ACBD6: variants seen among roughly 807,000 people sequenced by gnomAD.
The protein encoded by ACBD6 is acyl-CoA binding domain containing 6.
In ACBD6, 28 loss-of-function variants were observed where a neutral mutation model predicts 37.2. The ratio of observed to expected loss-of-function variants is 0.75; its 90% CI spans 0.56 to 1.03. The LOEUF (loss-of-function observed/expected upper bound fraction) is 1.03. ACBD6 is among the 50% of genes least tolerant of loss of function. ACBD6 has a pLI of 0.00. For synonymous variants in ACBD6, 113 were observed against 126.8 expected (o/e 0.89, Z 0.73); for missense variants, 340 against 337.4 (o/e 1.01, Z -0.06).
intron 3 of ACBD6, chr1:180,435,882 ATG>A (rs1649017103): frequency 7.2e-7 from 1 of 1,389,504 alleles, no homozygotes. Context: ...GCTCTTCTGG[ATG>A]GCAAGAACGT....
intron 3 of ACBD6, among the ~76,000 whole-genome samples, chr1:180,461,971 C>T (rs1308723673): frequency 6.6e-6 from 1 of 152,162 alleles, no homozygotes; most frequent in African/African-American, 2.4e-5. Context: ...CATGGTGGCT[C>T]ACACTTGTAA....
intron 3 of ACBD6, among the ~76,000 whole-genome samples, chr1:180,466,030 A>G (rs991735101): frequency 6.6e-6 from 1 of 152,072 alleles, no homozygotes; most frequent in African/African-American, 2.4e-5. Flanking sequence ...AGCAGAAAAG[A>G]TAATTATTGG....
At chr1:180,484,869 GC>G (rs1231860811) in intron 3 of ACBD6, among the ~76,000 whole-genome samples, 1 of 151,968 alleles carries the variant, frequency 6.6e-6, no homozygotes, top group Non-Finnish European at 1.5e-5. Context: ...TTCAAGACCA[GC>G]CTGGCCAACA....
At chr1:180,501,500 T>C (rs1045332671) in intron 1 of ACBD6, among the ~76,000 whole-genome samples, 3 of 152,158 alleles carry the variant, frequency 2.0e-5, no homozygotes, top group Admixed American at 1.3e-4. Flanking sequence ...GCTAACTTAG[T>C]AGAGACGGGG....
intron 3 of ACBD6, chr1:180,435,438 A>G: frequency 5.0e-6 from 2 of 399,460 alleles, no homozygotes; most frequent in Non-Finnish European, 4.5e-6. Flanking sequence ...TTTTTTTAGT[A>G]GAGACGGGGT....
chr1:180,479,032 C>T (rs2102067913), intron 3 of ACBD6, among the ~76,000 whole-genome samples: 2 of 152,224 alleles, frequency 1.3e-5, no homozygotes, highest in Non-Finnish European at 2.9e-5. Flanking sequence ...ACTCAGGACG[C>T]CAAGGTGGGA....
At chr1:180,304,990 C>G (rs1348650356) in intron 7 of ACBD6, among the ~76,000 whole-genome samples, 1 of 152,088 alleles carries the variant, frequency 6.6e-6, no homozygotes, top group Non-Finnish European at 1.5e-5. Context: ...CTGACAAAAA[C>G]AAGAAATGGG....
At chr1:180,381,864 T>C (rs1571432817) in intron 6 of ACBD6, among the ~76,000 whole-genome samples, 1 of 151,710 alleles carries the variant, frequency 6.6e-6, no homozygotes, top group African/African-American at 2.4e-5. Flanking sequence ...TCCCAGCACT[T>C]TGGGAGGCCG....
At chr1:180,389,345 GGCTGCATAGTATT>G (rs1352728585) in intron 6 of ACBD6, among the ~76,000 whole-genome samples, 2 of 152,120 alleles carry the variant, frequency 1.3e-5, no homozygotes, top group Non-Finnish European at 2.9e-5. Flanking sequence ...CATTTTTTAT[GGCTGCATAGTATT>G]CCAGGGTGTA....
chr1:180,502,228 G>A lies in ACBD6; in HGVS notation c.39C>T (p.Gly13=), dbSNP rs147227661. The change falls in exon 1 of 8, where the codon GGC becomes GGT. Residue 13 remains glycine, a synonymous_variant. Transcript: ENST00000367595. ...CTGAGCTCAGCTCTCCACCGCTGTCGCCGGTGATGGCCCCCGCGGGCAGGA... is the reference window on the plus strand; with the variant it reads ...CTGAGCTCAGCTCTCCACCGCTGTCACCGGTGATGGCCCCCGCGGGCAGGA... ...SSFLPAGAIT[G]DSGGELSSGD... 7 of 1,613,602 alleles carry A rather than the reference G, an allele frequency of 4.3e-6. No homozygotes were observed. The highest frequency in any genetic ancestry group is 5.9e-6 in the Non-Finnish European group (7 of 1,180,048).
At chr1:180,447,770 G>A (rs1380563691) in intron 3 of ACBD6, among the ~76,000 whole-genome samples, 1 of 151,846 alleles carries the variant, frequency 6.6e-6, no homozygotes, top group Non-Finnish European at 1.5e-5. Flanking sequence ...AACATCAAAA[G>A]ATTCAAATAT....
chr1:180,341,690 A>G (rs751820041), intron 6 of ACBD6, among the ~76,000 whole-genome samples: 2 of 152,092 alleles, frequency 1.3e-5, no homozygotes, highest in Non-Finnish European at 2.9e-5. Context: ...CACTTCCACT[A>G]TTCTTCCTGT....
intron 6 of ACBD6, among the ~76,000 whole-genome samples, chr1:180,362,901 T>C (rs1166438459): frequency 2.0e-5 from 3 of 152,240 alleles, no homozygotes; most frequent in Non-Finnish European, 4.4e-5. Flanking sequence ...ACTGTTGGCA[T>C]AGAACCTATG....
intron 3 of ACBD6, among the ~76,000 whole-genome samples, chr1:180,442,209 G>A (rs1649307557): frequency 6.6e-6 from 1 of 151,780 alleles, no homozygotes; most frequent in South Asian, 2.1e-4. Flanking sequence ...TGTATTGTAT[G>A]GTTTCATTAC....
intron 6 of ACBD6, among the ~76,000 whole-genome samples, chr1:180,337,741 A>G (rs1363299843): frequency 2.6e-5 from 4 of 152,330 alleles, no homozygotes; most frequent in South Asian, 2.1e-4. Flanking sequence ...ACATGATTGT[A>G]TATCTAGAAA....
chr1:180,453,799 T>A (rs1195458037), intron 3 of ACBD6, among the ~76,000 whole-genome samples: 1 of 152,050 alleles, frequency 6.6e-6, no homozygotes, highest in African/African-American at 2.4e-5. Context: ...CATTCAAAAC[T>A]GCTACAAAGA....
chr1:180,394,063 C>A (rs1654169599), intron 6 of ACBD6, among the ~76,000 whole-genome samples: 1 of 152,170 alleles, frequency 6.6e-6, no homozygotes, highest in Non-Finnish European at 1.5e-5. Context: ...ATATACAATA[C>A]CTCCAAACAA....
chr1:180,456,776 T>C (rs1265868583), intron 3 of ACBD6, among the ~76,000 whole-genome samples: 1 of 151,850 alleles, frequency 6.6e-6, no homozygotes, highest in Non-Finnish European at 1.5e-5. Flanking sequence ...CAGGTTGGAG[T>C]ACAGTGGCAT....
chr1:180,352,958 C>T (rs1006508485), intron 6 of ACBD6, among the ~76,000 whole-genome samples: 9 of 152,290 alleles, frequency 5.9e-5, no homozygotes, highest in Admixed American at 2.6e-4. Flanking sequence ...CTTTTTATTA[C>T]GACTTATAGC....
Sources: allele counts gnomAD v4.1 joint callset (sites outside exome capture counted in the v4.1 genomes callset), GRCh38; gene constraint gnomAD v4.1.1; transcripts MANE v1.5; gene names NCBI Gene and HGNC (gene_info 2026-07-23, HGNC 2026-07-21).